MYO1F: variants seen among roughly 807,000 people sequenced by gnomAD.
MYO1F encodes unconventional myosin-If.
In MYO1F, 60 loss-of-function variants were observed where a neutral mutation model predicts 146.6. The observed-to-expected ratio is 0.41, with a 90% confidence interval of 0.33 to 0.51. The LOEUF is 0.51. Ranked by LOEUF, MYO1F falls within the 20% of genes least tolerant of loss-of-function variation. The pLI, the probability that MYO1F is intolerant of heterozygous loss-of-function variation, is 0.25. For synonymous variants in MYO1F, 602 were observed against 602.1 expected, an observed-to-expected ratio of 1.00 and a Z score of 0.00; for missense variants, 1,274 against 1,534.3, an observed-to-expected ratio of 0.83 and a Z score of 2.83.
chr19:8,553,894 A>ACTCT (rs530875155), intron 4 of MYO1F, among the ~76,000 whole-genome samples: 1,287 of 102,648 alleles, frequency 0.013, 18 homozygotes, highest in Admixed American at 0.034. Flanking sequence ...ACACACACAC[A>ACTCT]CTCTCTCTCT....
intron 24 of MYO1F, among the ~76,000 whole-genome samples, chr19:8,526,191 G>C (rs1406227417): frequency 6.6e-6 from 1 of 152,200 alleles, no homozygotes; most frequent in Non-Finnish European, 1.5e-5. Context: ...GCTGGGCGCG[G>C]TGGCAGGCGC....
At position 8,526,547 on chromosome 19, in the gene MYO1F, G is replaced by T; in HGVS notation, c.2676C>A (p.Val892=). 5.0e-6 allele frequency: 8 copies of T among 1,595,692 alleles called. No homozygotes were observed. The highest frequency in any genetic ancestry group is 6.8e-6 in the Non-Finnish European group (8 of 1,173,392). The part of the protein sequence containing the change: ...EGWGGGGTRS[V]TFSRGFGDLA... ...AGTCGCCGAAGCCGCGGGAGAAGGT[G>T]ACGCTGCGGGTGCCGCCACCGCCCC... The change falls in exon 24 of 28, where the codon GTC becomes GTA. Residue 892 remains valine, a synonymous_variant. Coordinates refer to ENST00000644032, the MANE Select transcript of MYO1F (RefSeq NM_012335.4).
intron 1 of MYO1F, among the ~76,000 whole-genome samples, chr19:8,558,626 T>G (rs1259385846): frequency 6.6e-6 from 1 of 152,108 alleles, no homozygotes; most frequent in Non-Finnish European, 1.5e-5. Context: ...CTGTCTCTAT[T>G]CAACACATCT....
chr19:8,569,752 C>G (rs973337778), intron 1 of MYO1F, among the ~76,000 whole-genome samples: 1 of 152,088 alleles, frequency 6.6e-6, no homozygotes, highest in African/African-American at 2.4e-5. Flanking sequence ...CAAGAGACAT[C>G]AGCCAGAGAG....
At chr19:8,540,683 C>A (rs1248250045) in intron 15 of MYO1F, among the ~76,000 whole-genome samples, 9 of 148,304 alleles carry the variant, frequency 6.1e-5, no homozygotes, top group Non-Finnish European at 8.9e-5. Context: ...GCACTCCAGC[C>A]TGGGCGGCAG....
chr19:8,545,706 T>G lies in MYO1F; in HGVS notation c.1300A>C (p.Thr434Pro), dbSNP rs1460011581. Residue 434 changes from threonine (T) to proline (P), a missense_variant, in exon 13 of 28, where the codon ACT becomes CCT. By Grantham distance (38) the Thr-to-Pro change is conservative (BLOSUM62 -1). This residue lies in a region of MYO1F where 900 missense variants were observed against 1,155.1 expected (regional missense o/e 0.78). Coordinates refer to ENST00000644032, the MANE Select transcript of MYO1F (RefSeq NM_012335.4). ...EEYVQEGIRW[T>P]PIQYFNNKVV... ...TTGTTGTTGAAGTACTGGATTGGAG[T>G]CCAGCGGATGCCTTCCTGCACATAC... The G allele has an allele frequency of 9.9e-6, 16 of 1,613,856 alleles. No homozygotes were observed. The highest frequency in any genetic ancestry group is 9.3e-6 in the Non-Finnish European group (11 of 1,179,982).
At chr19:8,546,218 C>A (rs1376536724) in intron 12 of MYO1F, among the ~76,000 whole-genome samples, 1 of 151,856 alleles carries the variant, frequency 6.6e-6, no homozygotes, top group African/African-American at 2.4e-5. Flanking sequence ...GTATGTGCCA[C>A]CACGCCGGAC....
At chr19:8,560,237 C>G (rs1974028339) in intron 1 of MYO1F, among the ~76,000 whole-genome samples, 1 of 151,992 alleles carries the variant, frequency 6.6e-6, no homozygotes, top group African/African-American at 2.4e-5. Context: ...GTAATCCCAG[C>G]ACTTTGGGAG....
At chr19:8,552,931 A>G (rs1298909583) in intron 6 of MYO1F, among the ~76,000 whole-genome samples, 1 of 152,166 alleles carries the variant, frequency 6.6e-6, no homozygotes, top group East Asian at 1.9e-4. Context: ...CAGGGGTGTC[A>G]TGGCCTCCAC....
intron 1 of MYO1F, among the ~76,000 whole-genome samples, chr19:8,572,119 C>T (rs2042122393): frequency 1.3e-5 from 2 of 152,308 alleles, no homozygotes; most frequent in African/African-American, 2.4e-5. Flanking sequence ...AACATCTCCA[C>T]GCAGAAGCTG....
intron 1 of MYO1F, among the ~76,000 whole-genome samples, chr19:8,569,741 G>T (rs1242849022): frequency 6.6e-6 from 1 of 152,156 alleles, no homozygotes; most frequent in Non-Finnish European, 1.5e-5. Context: ...AGTGGTGGCT[G>T]CAAGAGACAT....
intron 14 of MYO1F, chr19:8,543,921 G>C (rs1362679806): frequency 1.9e-4 from 46 of 244,778 alleles, no homozygotes; most frequent in Middle Eastern, 1.5e-3. Flanking sequence ...GGTGGTGGTG[G>C]TGGTGGTGGT....
rs760080400 is a variant in MYO1F, at chr19:8,539,937, C to G, written c.1692+10G>C. 23 of 1,612,428 alleles carry G rather than the reference C, an allele frequency of 1.4e-5. No homozygotes were observed. The Middle Eastern group carries it at 1.2e-3, about 83-fold the overall frequency. On this transcript the variant is annotated intron_variant, in intron 16 of 27. Coordinates refer to ENST00000644032, the MANE Select transcript of MYO1F (RefSeq NM_012335.4). Reference sequence around the variant, plus strand: ...CAGGCCCAGCTCCCCGTTGTACACCCCAGGCCCACCTTGATCTTGGAGCCG... The same window carrying G: ...CAGGCCCAGCTCCCCGTTGTACACCGCAGGCCCACCTTGATCTTGGAGCCG...
At chr19:8,575,116 G>A (rs1177782664) in intron 1 of MYO1F, among the ~76,000 whole-genome samples, 4 of 143,064 alleles carry the variant, frequency 2.8e-5, no homozygotes, top group African/African-American at 5.2e-5. Context: ...TGGCTCTGTC[G>A]CCGAGGCTGT....
rs756483186 is a variant in MYO1F, at chr19:8,551,771, G to A, written c.740C>T (p.Thr247Met). Residue 247 changes from threonine (T) to methionine (M), a missense_variant, in exon 8 of 28, where the codon ACG (threonine) becomes ATG (methionine). Physicochemically the swap from Thr to Met is moderately conservative, Grantham distance 81. This residue lies in a region of MYO1F where 900 missense variants were observed against 1,155.1 expected (regional missense o/e 0.78). Coordinates refer to ENST00000644032, the MANE Select transcript of MYO1F (RefSeq NM_012335.4). ...NQSDTYQVDG[T>M]DDRSDFGETL... ...CTCACCAAAGTCGCTTCTGTCGTCC[G>A]TGCCGTCCACCTGGTAGGTGTCCGA... 2.5e-5 allele frequency: 41 copies of A among 1,614,148 alleles called. No individual in the cohort carries two copies. The South Asian group carries it at 2.7e-4, about 11-fold the overall frequency.
chr19:8,551,155 G>T (rs1973590076), intron 8 of MYO1F, among the ~76,000 whole-genome samples: 1 of 150,798 alleles, frequency 6.6e-6, no homozygotes, highest in African/African-American at 2.4e-5. Flanking sequence ...GGGTTTAAGC[G>T]ATTCTCCTGC....
At chr19:8,524,541 T>G (rs565377094) in intron 25 of MYO1F, among the ~76,000 whole-genome samples, 13 of 147,506 alleles carry the variant, frequency 8.8e-5, no homozygotes, top group African/African-American at 3.3e-4. Context: ...GCCAAGATCA[T>G]GCCACTGCAC....
intron 16 of MYO1F, among the ~76,000 whole-genome samples, chr19:8,538,584 A>ATTTTT (rs79984981): frequency 3.2e-5 from 4 of 126,516 alleles, no homozygotes; most frequent in African/African-American, 1.2e-4. Flanking sequence ...TCCCGGTCTG[A>ATTTTT]TTTTTTTTTT....
intron 25 of MYO1F, among the ~76,000 whole-genome samples, chr19:8,524,577 T>C (rs1295168592): frequency 1.7e-5 from 2 of 118,542 alleles, no homozygotes; most frequent in African/African-American, 2.9e-5. Context: ...AGAGCGAGAC[T>C]GTCTCAAAAA....
Sources: gnomAD v4.1 joint callset for allele counts (sites outside exome capture counted in the v4.1 genomes callset) on GRCh38, gnomAD v4.1.1 for gene constraint, gnomAD v4.1.1 regional missense constraint, MANE v1.5 for transcripts, NCBI Gene and HGNC (gene_info 2026-07-23, HGNC 2026-07-21) for gene names.